The following CRPPA variants were observed in gnomAD, a reference collection of about 807,000 sequenced individuals.
CRPPA encodes the protein CDP-L-ribitol pyrophosphorylase A.
CRPPA carries 43 observed loss-of-function variants against 52.0 expected under a neutral mutation model. That is an observed-to-expected ratio of 0.83 (90% confidence interval 0.65 to 1.07). The LOEUF (loss-of-function observed/expected upper bound fraction) is 1.07, where lower values mean the gene tolerates loss of function less well. Ranked by LOEUF, CRPPA falls within the 50% of genes least tolerant of loss-of-function variation. The pLI is 0.00. For synonymous variants in CRPPA, 250 were observed against 203.5 expected (o/e 1.23, Z -1.94); for missense variants, 629 against 551.7 (o/e 1.14, Z -1.40).
intron 9 of CRPPA, among the ~76,000 whole-genome samples, chr7:16,189,883 T>C (rs1237771847): frequency 6.6e-6 from 1 of 152,172 alleles, no homozygotes; most frequent in African/African-American, 2.4e-5. Context: ...AAATATGTCA[T>C]TGCTTTAGTC....
At chr7:16,334,369 G>A (rs1240205660) in intron 3 of CRPPA, among the ~76,000 whole-genome samples, 1 of 152,128 alleles carries the variant, frequency 6.6e-6, no homozygotes, top group Non-Finnish European at 1.5e-5. Flanking sequence ...GGTACCAGCA[G>A]GTTAGGGAAT....
At chr7:16,169,146 A>G (rs1781127093) in intron 9 of CRPPA, among the ~76,000 whole-genome samples, 1 of 152,336 alleles carries the variant, frequency 6.6e-6, no homozygotes, top group Admixed American at 6.5e-5. Context: ...GAAATTACAT[A>G]TTATTTCCAC....
intron 9 of CRPPA, among the ~76,000 whole-genome samples, chr7:16,100,362 C>A (rs1379689737): frequency 2.0e-5 from 3 of 152,150 alleles, no homozygotes; most frequent in African/African-American, 7.2e-5. Flanking sequence ...ATCTACAGGA[C>A]TTAATTTCTC....
At chr7:16,213,010 T>A (rs529642166) in intron 9 of CRPPA, among the ~76,000 whole-genome samples, 1 of 152,238 alleles carries the variant, frequency 6.6e-6, no homozygotes, top group Non-Finnish European at 1.5e-5. Context: ...TTAAAATTTT[T>A]ACTGTCACAG....
chr7:16,152,133 C>T (rs942382751), intron 9 of CRPPA, among the ~76,000 whole-genome samples: 4 of 151,860 alleles, frequency 2.6e-5, no homozygotes, highest in African/African-American at 7.2e-5. Context: ...ATAAAAGGAA[C>T]TCTGCATTTT....
At chr7:16,308,761 G>A (rs954667010) in intron 3 of CRPPA, 134 bp from the exon 4 acceptor site, 16 of 619,704 alleles carry the variant, frequency 2.6e-5, no homozygotes, top group Non-Finnish European at 3.7e-5. Flanking sequence ...GCTACTGACT[G>A]AGTTATAACA....
chr7:16,133,938 CT>C lies in CRPPA; in HGVS notation c.1252-42140del, dbSNP rs1250139938. ...TTCTTAACATCATCCTTATGATTTTCTTTTTTTTTCCGAGATGGAGTCTCGC... is the reference window on the plus strand; with the variant it reads ...TTCTTAACATCATCCTTATGATTTTCTTTTTTTTCCGAGATGGAGTCTCGC... On this transcript the variant is annotated intron_variant, in intron 9 of 9. Coordinates refer to ENST00000407010, the MANE Select transcript of CRPPA (RefSeq NM_001101426.4). Among the ~76,000 whole-genome samples, 6 of 121,458 alleles carry C rather than the reference CT, an allele frequency of 4.9e-5. 1 individual carries two copies. The highest frequency in any genetic ancestry group is 3.5e-4 in the East Asian group (1 of 2,824). The allele number at this position is 121,458 out of a possible 152,430, so 79.7% of individuals were successfully genotyped here.
In CRPPA at chr7:16,266,821, T is replaced by C. The variant is rs574643848; in HGVS notation, c.934-7809A>G. 3.3e-5 allele frequency among the ~76,000 whole-genome samples: 5 copies of C among 152,236 alleles called. No individual in the cohort carries two copies. In the South Asian group the frequency reaches 8.3e-4, roughly 25 times the overall value. On this transcript the variant is annotated intron_variant, in intron 6 of 9. Coordinates refer to ENST00000407010, the MANE Select transcript of CRPPA (RefSeq NM_001101426.4). Reference sequence around the variant, plus strand: ...CAAAGTTGGATAGTATCAACACAAATTGTAAAGCTGCAAAATACCACCCTG... The same window carrying C: ...CAAAGTTGGATAGTATCAACACAAACTGTAAAGCTGCAAAATACCACCCTG...
intron 3 of CRPPA, among the ~76,000 whole-genome samples, chr7:16,346,895 C>A (rs1337788464): frequency 6.6e-6 from 1 of 151,972 alleles, no homozygotes; most frequent in Non-Finnish European, 1.5e-5. Context: ...CTGTGTATAA[C>A]CCTCAGTAAA....
chr7:16,396,926 G>A (rs558319370), intron 2 of CRPPA, among the ~76,000 whole-genome samples: 52 of 152,372 alleles, frequency 3.4e-4, no homozygotes, highest in African/African-American at 1.0e-3. Flanking sequence ...TGTGACATGT[G>A]TAATGAAAAA....
chr7:16,098,707 T>A (rs1781980088), intron 9 of CRPPA, among the ~76,000 whole-genome samples: 1 of 152,164 alleles, frequency 6.6e-6, no homozygotes, highest in South Asian at 2.1e-4. Flanking sequence ...TCAAAATAAT[T>A]TGAAGCTAAA....
intron 3 of CRPPA, among the ~76,000 whole-genome samples, chr7:16,335,083 G>A (rs1785644746): frequency 6.8e-6 from 1 of 147,548 alleles, no homozygotes; most frequent in Non-Finnish European, 1.5e-5. Context: ...AATCTGGGAG[G>A]CTGAGGCAGG....
chr7:16,364,011 G>A (rs779759339), intron 3 of CRPPA, among the ~76,000 whole-genome samples: 10 of 152,090 alleles, frequency 6.6e-5, no homozygotes, highest in Non-Finnish European at 1.3e-4. Flanking sequence ...TTCAAAGAAT[G>A]TAACAGATCT....
intron 3 of CRPPA, among the ~76,000 whole-genome samples, chr7:16,309,353 C>G (rs747003116): frequency 2.5e-4 from 38 of 151,968 alleles, no homozygotes; most frequent in Admixed American, 2.0e-4. Flanking sequence ...CCTCAAGGAA[C>G]TCAGGTCTAG....
intron 2 of CRPPA, among the ~76,000 whole-genome samples, chr7:16,383,537 A>G (rs796608123): frequency 2.0e-5 from 3 of 152,168 alleles, no homozygotes; most frequent in African/African-American, 4.8e-5. Context: ...GTCAGACAGG[A>G]ACACTTAAGT....
chr7:16,204,507 G>A (rs540547447), intron 9 of CRPPA, among the ~76,000 whole-genome samples: 110 of 152,080 alleles, frequency 7.2e-4, no homozygotes, highest in African/African-American at 2.4e-3. Flanking sequence ...GATGAGAAAC[G>A]ACATAATGGG....
chr7:16,244,066 A>C (rs1783199768), intron 8 of CRPPA, among the ~76,000 whole-genome samples: 1 of 152,184 alleles, frequency 6.6e-6, no homozygotes, highest in Non-Finnish European at 1.5e-5. Flanking sequence ...TGCAAACATA[A>C]CCTAAAGGAT....
Position 16,089,576 on chromosome 7 carries a change from G to A in CRPPA, c.*2119C>T, listed in dbSNP as rs148625258. ...ACATGTAAGTATATACATATATATG[G>A]GTATACATGCATGTATATACATATA... On this transcript the variant is annotated 3_prime_UTR_variant, in exon 10 of 10. Coordinates refer to ENST00000407010, the MANE Select transcript of CRPPA (RefSeq NM_001101426.4). 1.3e-5 allele frequency: 3 copies of A among 228,144 alleles called. No homozygotes were observed. The highest frequency in any genetic ancestry group is 4.5e-5 in the Admixed American group (1 of 22,112). 14.1% of individuals were successfully genotyped at this position (228,144 alleles called of 1,614,324 possible).
chr7:16,285,748 C>G (rs77725873), intron 5 of CRPPA, among the ~76,000 whole-genome samples: 1 of 151,496 alleles, frequency 6.6e-6, no homozygotes, highest in Non-Finnish European at 1.5e-5. Flanking sequence ...GTTGGCCAGG[C>G]GCGGTAGCTC....
Sources: gnomAD v4.1 joint callset for allele counts (sites outside exome capture counted in the v4.1 genomes callset) on GRCh38, gnomAD v4.1.1 for gene constraint, MANE v1.5 for transcripts, NCBI Gene and HGNC (gene_info 2026-07-23, HGNC 2026-07-21) for gene names.